The following ANK1 variants were observed in gnomAD, a reference collection of about 807,000 sequenced individuals.
ANK1 encodes the protein ankyrin 1.
A neutral mutation model predicts 210.4 loss-of-function variants in ANK1; 51 were observed. That is an observed-to-expected ratio of 0.24 (90% CI 0.19 to 0.31). The LOEUF is 0.31. Ranked by LOEUF, ANK1 falls within the 10% of genes least tolerant of loss-of-function variation. ANK1 has a pLI of 1.00. For synonymous variants in ANK1, 967 were observed against 1,025.9 expected (o/e 0.94, Z 1.10); for missense variants, 2,051 against 2,504.4 (o/e 0.82, Z 3.86).
chr8:41,827,884 T>C (rs1805744640), intron 1 of ANK1, among the ~76,000 whole-genome samples: 1 of 147,502 alleles, frequency 6.8e-6, no homozygotes, highest in East Asian at 2.0e-4. Flanking sequence ...ACACACATGC[T>C]CACGCCCACA....
intron 1 of ANK1, among the ~76,000 whole-genome samples, chr8:41,774,336 C>T (rs1438948103): frequency 2.0e-5 from 3 of 152,208 alleles, no homozygotes; most frequent in Non-Finnish European, 4.4e-5. Flanking sequence ...GCTCCATAAA[C>T]GTTAGCTGGA....
chr8:41,721,462 G>A (rs1829236698), intron 9 of ANK1, among the ~76,000 whole-genome samples: 1 of 152,050 alleles, frequency 6.6e-6, no homozygotes, highest in Non-Finnish European at 1.5e-5. Flanking sequence ...TTCGAGACCA[G>A]CCTGGCTAAC....
intron 1 of ANK1, among the ~76,000 whole-genome samples, chr8:41,870,362 C>T (rs1434106213): frequency 6.6e-6 from 1 of 152,216 alleles, no homozygotes; most frequent in Non-Finnish European, 1.5e-5. Flanking sequence ...GTCACCTTCT[C>T]CATCATTCAC....
At chr8:41,758,347 T>C (rs1839671582) in intron 1 of ANK1, among the ~76,000 whole-genome samples, 1 of 152,156 alleles carries the variant, frequency 6.6e-6, no homozygotes, top group East Asian at 1.9e-4. Context: ...TTTTGTTTTT[T>C]GTTTTGTTTT....
At chr8:41,843,313 T>C (rs1038889466) in intron 1 of ANK1, among the ~76,000 whole-genome samples, 21 of 152,306 alleles carry the variant, frequency 1.4e-4, no homozygotes, top group African/African-American at 4.3e-4. Flanking sequence ...TTGTGAAGTA[T>C]AGTCACCCTG....
intron 1 of ANK1, among the ~76,000 whole-genome samples, chr8:41,816,790 A>C (rs1803419163): frequency 6.6e-6 from 1 of 152,214 alleles, no homozygotes; most frequent in South Asian, 2.1e-4. Context: ...ACTTTGGTTA[A>C]TTTCTCTTTT....
chr8:41,700,115 G>A (rs1407623477), intron 22 of ANK1, among the ~76,000 whole-genome samples: 2 of 152,228 alleles, frequency 1.3e-5, no homozygotes, highest in African/African-American at 4.8e-5. Context: ...ACCTTGAGGG[G>A]TCATTCATTG....
chr8:41,835,090 A>G (rs1405357255), intron 1 of ANK1, among the ~76,000 whole-genome samples: 2 of 152,254 alleles, frequency 1.3e-5, no homozygotes, highest in Non-Finnish European at 2.9e-5. Context: ...CAGAGCAGCT[A>G]CAAGGGGCGC....
At chr8:41,739,462 C>T (rs1042708268) in intron 2 of ANK1, among the ~76,000 whole-genome samples, 2 of 149,316 alleles carry the variant, frequency 1.3e-5, no homozygotes, top group Non-Finnish European at 3.0e-5. Context: ...GTGGTCATCT[C>T]TAGGTCTGAT....
Position 41,658,922 on chromosome 8 carries a change from A to ATAAG in ANK1, c.*36+2507_*36+2508insCTTA, listed in dbSNP as rs369002052. Among the ~76,000 whole-genome samples, 449 of 108,796 alleles carry ATAAG rather than the reference A, an allele frequency of 4.1e-3. 2 individuals are homozygous for ATAAG. Among genetic ancestry groups the ATAAG allele is most frequent in the Middle Eastern group, 0.039 (10 of 258 alleles). 71.4% of individuals were successfully genotyped at this position (108,796 alleles called of 152,430 possible). ...TATAAATAAATAAATAAATAAATAA[A>ATAAG]TAAATAAATAAATAGTCGCTGTGAA... On this transcript the variant is annotated intron_variant, in intron 42 of 42. Coordinates refer to ENST00000289734, the MANE Select transcript of ANK1 (RefSeq NM_000037.4).
chr8:41,871,791 C>T (rs561521923), intron 1 of ANK1, among the ~76,000 whole-genome samples: 26 of 152,348 alleles, frequency 1.7e-4, no homozygotes, highest in Admixed American at 1.4e-3. Context: ...CATCTCAGCT[C>T]TGATAGAAAA....
At chr8:41,662,775 G>A (rs191629875) in intron 40 of ANK1, among the ~76,000 whole-genome samples, 96 of 152,108 alleles carry the variant, frequency 6.3e-4, no homozygotes, top group Non-Finnish European at 8.7e-4. Flanking sequence ...TGAGAGCTGC[G>A]CCTAAGCAGA....
Position 41,683,158 on chromosome 8 carries a change from G to A in ANK1, c.4537+1386C>T, listed in dbSNP as rs555118789. 3.0e-4 allele frequency among the ~76,000 whole-genome samples: 46 copies of A among 152,344 alleles called. No individual in the cohort carries two copies. The South Asian group carries it at 6.0e-3, about 20-fold the overall frequency. ...CACCCAGGACATGGCCATGAGATGC[G>A]TGGGGAGACAGGGCTGGGGGCCATG... On this transcript the variant is annotated intron_variant, in intron 37 of 42. Coordinates refer to ENST00000289734, the MANE Select transcript of ANK1 (RefSeq NM_000037.4).
chr8:41,806,736 C>T (rs1302030947), intron 1 of ANK1, among the ~76,000 whole-genome samples: 7 of 152,150 alleles, frequency 4.6e-5, no homozygotes, highest in Non-Finnish European at 1.0e-4. Flanking sequence ...CAGAGCTAGA[C>T]TCTGTCTCAA....
intron 39 of ANK1, among the ~76,000 whole-genome samples, chr8:41,667,411 C>T (rs1810922998): frequency 6.6e-6 from 1 of 152,180 alleles, no homozygotes; most frequent in African/African-American, 2.4e-5. Context: ...ATACTAAACA[C>T]ACGCATGTGG....
intron 1 of ANK1, among the ~76,000 whole-genome samples, chr8:41,875,247 A>G (rs1445939060): frequency 6.6e-6 from 1 of 152,234 alleles, no homozygotes; most frequent in Non-Finnish European, 1.5e-5. Flanking sequence ...AAGACTCTGC[A>G]GCTTCTTGGC....
intron 1 of ANK1, among the ~76,000 whole-genome samples, chr8:41,803,118 GGAAAGGAAAGGAAAGGAAA>G (rs1356150173): frequency 7.1e-6 from 1 of 140,618 alleles, no homozygotes; most frequent in East Asian, 2.0e-4. Flanking sequence ...GGAAAGGAAA[GGAAAGGAAAGGAAAGGAAA>G]GAAAGGAAAG....
At chr8:41,848,670 C>T (rs1052491326) in intron 1 of ANK1, among the ~76,000 whole-genome samples, 18 of 152,170 alleles carry the variant, frequency 1.2e-4, no homozygotes, top group Non-Finnish European at 2.1e-4. Context: ...ATATCTCACC[C>T]TTTTTGAAAG....
intron 1 of ANK1, among the ~76,000 whole-genome samples, chr8:41,839,156 A>G (rs890739080): frequency 3.3e-5 from 5 of 152,228 alleles, no homozygotes; most frequent in Non-Finnish European, 1.5e-5. Flanking sequence ...AGAAAGAGAA[A>G]TTCACCTGTC....
Sources: allele counts gnomAD v4.1 joint callset (sites outside exome capture counted in the v4.1 genomes callset), GRCh38; gene constraint gnomAD v4.1.1; transcripts MANE v1.5; gene names NCBI Gene and HGNC (gene_info 2026-07-23, HGNC 2026-07-21).